SCGB2B2: variants seen among roughly 807,000 people sequenced by gnomAD.
SCGB2B2 encodes secretoglobin-like protein.
In SCGB2B2, 11 loss-of-function variants were observed where a neutral mutation model predicts 7.6. That is an observed-to-expected ratio of 1.45 (90% CI 0.91 to 2.40). The LOEUF (loss-of-function observed/expected upper bound fraction) is 2.40. Ranked by LOEUF, SCGB2B2 falls within the 30% of genes most tolerant of loss-of-function variation. The pLI is 0.00. For synonymous variants in SCGB2B2, 50 were observed against 48.6 expected (o/e 1.03, Z -0.12); for missense variants, 104 against 115.4 (o/e 0.90, Z 0.45).
chr19:34,606,100 GT>G (rs898675692), intron 1 of SCGB2B2, among the ~76,000 whole-genome samples: 1 of 150,950 alleles, frequency 6.6e-6, no homozygotes, highest in African/African-American at 2.4e-5. Flanking sequence ...ATTTTATGTA[GT>G]TTTTTAAAAT....
chr19:34,636,108 C>A (rs2066670332), intron 1 of SCGB2B2, among the ~76,000 whole-genome samples: 1 of 152,228 alleles, frequency 6.6e-6, no homozygotes, highest in Admixed American at 6.5e-5. Flanking sequence ...GGCTCCTCAT[C>A]CTCCATTAGA....
At chr19:34,672,852 T>G (rs1220561811) in intron 1 of SCGB2B2, among the ~76,000 whole-genome samples, 2 of 152,196 alleles carry the variant, frequency 1.3e-5, no homozygotes, top group African/African-American at 4.8e-5. Context: ...CTTGGGCCTC[T>G]TTTATAAGGA....
intron 1 of SCGB2B2, among the ~76,000 whole-genome samples, chr19:34,614,028 C>T (rs1013438025): frequency 6.6e-6 from 1 of 152,142 alleles, no homozygotes; most frequent in Admixed American, 6.6e-5. Flanking sequence ...TGACTTGACG[C>T]TTTTGCTGTT....
At chr19:34,621,110 C>T (rs1292179960) in intron 1 of SCGB2B2, among the ~76,000 whole-genome samples, 2 of 152,040 alleles carry the variant, frequency 1.3e-5, no homozygotes, top group Admixed American at 6.6e-5. Context: ...TTTTATTTTT[C>T]CTTCAAAAAA....
At chr19:34,662,119 A>C (rs2067473926) in intron 1 of SCGB2B2, among the ~76,000 whole-genome samples, 1 of 152,010 alleles carries the variant, frequency 6.6e-6, no homozygotes, top group Non-Finnish European at 1.5e-5. Flanking sequence ...TGATCTCGTA[A>C]TCCACCTGCC....
chr19:34,590,587 G>A (rs548998615), downstream of SCGB2B2, among the ~76,000 whole-genome samples: 16 of 152,294 alleles, frequency 1.1e-4, no homozygotes, highest in Middle Eastern at 3.4e-3. Flanking sequence ...TGTGGGTGCC[G>A]GAGAAGCTCC....
chr19:34,668,779 T>C (rs2067714868), intron 1 of SCGB2B2, among the ~76,000 whole-genome samples: 1 of 152,130 alleles, frequency 6.6e-6, no homozygotes, highest in Non-Finnish European at 1.5e-5. Context: ...TGTATCTAGC[T>C]AATCTAGTGG....
At chr19:34,619,102 A>T (rs544386165) in intron 1 of SCGB2B2, among the ~76,000 whole-genome samples, 2 of 152,226 alleles carry the variant, frequency 1.3e-5, no homozygotes, top group Non-Finnish European at 2.9e-5. Flanking sequence ...CATGACCTAA[A>T]TCCATTAAAG....
chr19:34,618,401 A>G (rs1160053004), intron 1 of SCGB2B2, among the ~76,000 whole-genome samples: 1 of 152,216 alleles, frequency 6.6e-6, no homozygotes, highest in Non-Finnish European at 1.5e-5. Context: ...ATGGGCCCAG[A>G]TTCTGGCCCT....
intron 1 of SCGB2B2, among the ~76,000 whole-genome samples, chr19:34,626,460 A>G (rs2066379912): frequency 6.6e-6 from 1 of 152,224 alleles, no homozygotes; most frequent in Non-Finnish European, 1.5e-5. Context: ...ACATGATGAA[A>G]GCACAAGCCT....
intron 1 of SCGB2B2, among the ~76,000 whole-genome samples, chr19:34,651,345 A>C (rs1376663966): frequency 6.6e-6 from 1 of 150,698 alleles, no homozygotes; most frequent in South Asian, 2.1e-4. Context: ...TGTACAGAAA[A>C]CCCCTAAAGC....
chr19:34,662,530 A>ACAC (rs2067488975), intron 1 of SCGB2B2, among the ~76,000 whole-genome samples: 1 of 142,764 alleles, frequency 7.0e-6, no homozygotes, highest in Non-Finnish European at 1.5e-5. Context: ...CACACACACA[A>ACAC]CATGAAGCAT....
In SCGB2B2 at chr19:34,644,991, C is replaced by G. The variant is rs117992459; in HGVS notation, c.-2032+30639G>C. Among the ~76,000 whole-genome samples, 18 of 152,350 alleles carry G rather than the reference C, an allele frequency of 1.2e-4. No homozygotes were observed. In the East Asian group the frequency reaches 3.5e-3, roughly 29 times the overall value. On this transcript the variant is annotated intron_variant, in intron 1 of 3. Coordinates refer to ENST00000601241, the MANE Select transcript of SCGB2B2 (RefSeq NM_001025591.4). Reference sequence around the variant, plus strand: ...TTTCACAGATGAGCAAGCTGAGTTTCTGTGTCTTCAGAGCTGAAAGTGCCT... The same window carrying G: ...TTTCACAGATGAGCAAGCTGAGTTTGTGTGTCTTCAGAGCTGAAAGTGCCT...
chr19:34,605,297 C>CT (rs2065746674), intron 1 of SCGB2B2, among the ~76,000 whole-genome samples: 1 of 152,136 alleles, frequency 6.6e-6, no homozygotes, highest in South Asian at 2.1e-4. Flanking sequence ...TTTGAGAACT[C>CT]TGTCTTATGT....
intron 1 of SCGB2B2, chr19:34,645,501 TAC>T (rs2146036126): frequency 5.9e-6 from 1 of 168,884 alleles, no homozygotes; most frequent in African/African-American, 2.5e-5. Context: ...CTTATGTGCA[TAC>T]ACAGACACAC....
At position 34,677,133 on chromosome 19, in the gene SCGB2B2, G is replaced by C. The variant is rs1342236248; in HGVS notation, c.-3535C>G. The C allele has an allele frequency of 6.7e-6, 1 of 148,762 alleles. No homozygotes were observed. The highest frequency in any genetic ancestry group is 1.5e-5 in the Non-Finnish European group (1 of 67,496). 9.2% of individuals were successfully genotyped at this position (148,762 alleles called of 1,614,324 possible). A position where few individuals can be genotyped will look rare whatever the true frequency, so the allele number is the denominator to read the frequency against. On this transcript the variant is annotated 5_prime_UTR_variant, in exon 1 of 4. Transcript: ENST00000601241. ...ACAGTCGGGCCACAGGGCGTTTTGT[G>C]AGTTATCGTCTTGGGCAAATGAGTG...
chr19:34,655,182 T>C lies in SCGB2B2; in HGVS notation c.-2032+20448A>G, dbSNP rs1275456303. ...GCATTCCAAAGTTAACCTGAAAAAC[T>C]AGTTCAGGTGAAGATGGAAGGAGGA... On this transcript the variant is annotated intron_variant, in intron 1 of 3. Transcript: ENST00000601241. 2.0e-5 allele frequency among the ~76,000 whole-genome samples: 3 copies of C among 151,236 alleles called. 1 individual carries two copies. Among genetic ancestry groups the C allele is most frequent in the African/African-American group, 4.9e-5 (2 of 40,558 alleles).
downstream of SCGB2B2, among the ~76,000 whole-genome samples, chr19:34,586,039 C>A (rs1489773810): frequency 6.6e-6 from 1 of 152,064 alleles, no homozygotes; most frequent in African/African-American, 2.4e-5. Flanking sequence ...TATGTCTATA[C>A]CTTGGCCAAA....
In SCGB2B2 at chr19:34,591,874, C is replaced by T. The variant is rs150330709; in HGVS notation, c.*1681G>A. Among the ~76,000 whole-genome samples, 14 of 152,312 alleles carry T rather than the reference C, an allele frequency of 9.2e-5. No individual in the cohort carries two copies. Among genetic ancestry groups the T allele is most frequent in the African/African-American group, 3.4e-4 (14 of 41,570 alleles). On this transcript the variant is annotated 3_prime_UTR_variant, in exon 4 of 4. Transcript: ENST00000601241. Reference sequence around the variant, plus strand: ...CCTGTTGGGTGGTCCTTGTGGTTCTCATCACTATTACAATTTTCTTGAGCT... The same window carrying T: ...CCTGTTGGGTGGTCCTTGTGGTTCTTATCACTATTACAATTTTCTTGAGCT...
Sources: gnomAD v4.1 joint callset for allele counts (sites outside exome capture counted in the v4.1 genomes callset) on GRCh38, gnomAD v4.1.1 for gene constraint, MANE v1.5 for transcripts, NCBI Gene and HGNC (gene_info 2026-07-23, HGNC 2026-07-21) for gene names.